EYS: variants seen among roughly 807,000 people sequenced by gnomAD.
EYS encodes the protein protein eyes shut homolog.
In EYS, 250 loss-of-function variants were observed where a neutral mutation model predicts 282.1. The ratio of observed to expected loss-of-function variants is 0.89; its 90% CI spans 0.80 to 0.98. The LOEUF (loss-of-function observed/expected upper bound fraction) is 0.98, where lower values mean the gene tolerates loss of function less well. Among genes scored for constraint, EYS ranks in the 50% least tolerant of loss-of-function variants. The pLI is 0.00. For missense variants in EYS, 4,016 were observed against 3,709.0 expected, an observed-to-expected ratio of 1.08 and a Z score of -2.15; for synonymous variants, 1,355 against 1,282.9, an observed-to-expected ratio of 1.06 and a Z score of -1.20.
At chr6:65,274,129 A>G (rs1767977124) in intron 12 of EYS, among the ~76,000 whole-genome samples, 1 of 152,178 alleles carries the variant, frequency 6.6e-6, no homozygotes, top group East Asian at 1.9e-4. Context: ...CACAATAGGA[A>G]TATACATACT....
intron 22 of EYS, among the ~76,000 whole-genome samples, chr6:64,741,010 G>A (rs1772354551): frequency 6.6e-6 from 1 of 152,248 alleles, no homozygotes; most frequent in Admixed American, 6.5e-5. Flanking sequence ...ACCGCGCCTG[G>A]CCATGAATGT....
At chr6:64,222,341 T>C (rs1766128865) in intron 31 of EYS, among the ~76,000 whole-genome samples, 1 of 152,116 alleles carries the variant, frequency 6.6e-6, no homozygotes, top group African/African-American at 2.4e-5. Flanking sequence ...TTGACAACAA[T>C]GTCTGAAAAT....
chr6:64,816,646 A>G (rs1764748522), intron 21 of EYS, among the ~76,000 whole-genome samples: 1 of 152,140 alleles, frequency 6.6e-6, no homozygotes, highest in South Asian at 2.1e-4. Context: ...AACAAAAGAT[A>G]CATATACCAA....
intron 33 of EYS, among the ~76,000 whole-genome samples, chr6:64,052,726 G>C (rs577256678): frequency 2.0e-5 from 3 of 152,056 alleles, no homozygotes; most frequent in African/African-American, 4.8e-5. Flanking sequence ...GAATCATGGC[G>C]GTGGTTTCTC....
At chr6:65,440,609 A>G (rs887229061) in intron 5 of EYS, among the ~76,000 whole-genome samples, 1 of 151,344 alleles carries the variant, frequency 6.6e-6, no homozygotes, top group Non-Finnish European at 1.5e-5. Flanking sequence ...GTCTTTAATG[A>G]GTCTTCCCCA....
At chr6:63,802,477 C>T (rs926822894) in intron 37 of EYS, among the ~76,000 whole-genome samples, 1 of 150,084 alleles carries the variant, frequency 6.7e-6, no homozygotes, top group Non-Finnish European at 1.5e-5. Context: ...AAAAAAAAAA[C>T]AAATATTAGT....
At chr6:65,344,419 A>C (rs901837903) in intron 9 of EYS, among the ~76,000 whole-genome samples, 1 of 151,656 alleles carries the variant, frequency 6.6e-6, no homozygotes, top group African/African-American at 2.4e-5. Flanking sequence ...TCCCAGGCCA[A>C]TTCATTTTTT....
At chr6:65,487,785 C>T (rs897452685) in intron 5 of EYS, among the ~76,000 whole-genome samples, 16 of 151,632 alleles carry the variant, frequency 1.1e-4, no homozygotes, top group Admixed American at 5.3e-4. Context: ...TAGAATTTGG[C>T]TGTGAATCCA....
At chr6:63,858,729 G>A (rs149595938) in intron 36 of EYS, among the ~76,000 whole-genome samples, 140 of 152,238 alleles carry the variant, frequency 9.2e-4, no homozygotes, top group Middle Eastern at 3.4e-3. Context: ...GGGAAATGAG[G>A]GATACTAAGA....
At chr6:64,370,799 C>T (rs1463792447) in intron 29 of EYS, among the ~76,000 whole-genome samples, 3 of 151,628 alleles carry the variant, frequency 2.0e-5, no homozygotes, top group African/African-American at 4.8e-5. Context: ...TTGTCTAGCT[C>T]GCATGCATAG....
chr6:63,829,832 C>A (rs1771576941), intron 36 of EYS, among the ~76,000 whole-genome samples: 1 of 152,214 alleles, frequency 6.6e-6, no homozygotes, highest in Admixed American at 6.5e-5. Context: ...TGACTGACAC[C>A]TCATAGAGCT....
At chr6:64,233,020 C>A (rs1766474453) in intron 30 of EYS, among the ~76,000 whole-genome samples, 2 of 152,136 alleles carry the variant, frequency 1.3e-5, no homozygotes, top group South Asian at 4.1e-4. Context: ...AATAATTTCA[C>A]CATTTCTAAC....
At chr6:64,903,954 A>G (rs553302769) in intron 16 of EYS, among the ~76,000 whole-genome samples, 36 of 152,322 alleles carry the variant, frequency 2.4e-4, no homozygotes, top group African/African-American at 8.4e-4. Context: ...GAAACAAAGT[A>G]CAGATACAAC....
chr6:64,439,797 A>T (rs1774874160), intron 26 of EYS, among the ~76,000 whole-genome samples: 1 of 151,816 alleles, frequency 6.6e-6, no homozygotes, highest in Non-Finnish European at 1.5e-5. Context: ...TAACACTCTA[A>T]ATTATATGAG....
At chr6:65,226,319 A>G (rs1766625159) in intron 12 of EYS, among the ~76,000 whole-genome samples, 1 of 152,084 alleles carries the variant, frequency 6.6e-6, no homozygotes, top group African/African-American at 2.4e-5. Context: ...GAATAAACTA[A>G]CCAAGAAGGT....
intron 12 of EYS, among the ~76,000 whole-genome samples, chr6:65,147,072 T>A (rs1438774327): frequency 1.3e-5 from 2 of 152,160 alleles, no homozygotes; most frequent in East Asian, 3.9e-4. Context: ...CCTAACAGTA[T>A]GTTTTTTGGT....
intron 35 of EYS, among the ~76,000 whole-genome samples, chr6:63,884,887 A>G (rs1773226270): frequency 6.6e-6 from 1 of 152,004 alleles, no homozygotes; most frequent in South Asian, 2.1e-4. Flanking sequence ...TATCAATTGG[A>G]AACACTTTAT....
In EYS at chr6:64,992,418, T is replaced by C. The variant is rs571327230; in HGVS notation, c.2259+5164A>G. Among the ~76,000 whole-genome samples the C allele has an allele frequency of 2.8e-4, 43 of 151,844 alleles. No individual in the cohort carries two copies. The East Asian group carries it at 7.6e-3, about 27-fold the overall frequency. On this transcript the variant is annotated intron_variant, in intron 14 of 42. Coordinates refer to ENST00000503581, the MANE Select transcript of EYS (RefSeq NM_001142800.2). ...TACAAGTTGTTTAATCTAATAAAAA[T>C]AAAAAAAGTTAAGAAAATATTTATT...
intron 33 of EYS, among the ~76,000 whole-genome samples, chr6:64,059,503 C>T (rs1771091897): frequency 2.0e-5 from 3 of 152,138 alleles, no homozygotes; most frequent in Non-Finnish European, 4.4e-5. Context: ...GACTCAGGTT[C>T]ACATTCAGAC....
Sources: allele counts gnomAD v4.1 joint callset (sites outside exome capture counted in the v4.1 genomes callset), GRCh38; gene constraint gnomAD v4.1.1; transcripts MANE v1.5; gene names NCBI Gene and HGNC (gene_info 2026-07-23, HGNC 2026-07-21).